The following BRPF3 variants were observed in gnomAD, a reference collection of about 807,000 sequenced individuals.
BRPF3 encodes the protein bromodomain and PHD finger containing 3, also known as bromodomain and PHD finger-containing protein 3.
In BRPF3, 18 loss-of-function variants were observed where a neutral mutation model predicts 102.0. That is an observed-to-expected ratio of 0.18 (90% CI 0.12 to 0.26). The LOEUF (loss-of-function observed/expected upper bound fraction) is 0.26. BRPF3 is among the 10% of genes least tolerant of loss of function. The pLI, the probability that BRPF3 is intolerant of heterozygous loss-of-function variation, is 1.00. For missense variants in BRPF3, 1,147 were observed against 1,567.8 expected (o/e 0.73, Z 4.53); for synonymous variants, 570 against 614.2 (o/e 0.93, Z 1.06).
intron 9 of BRPF3, among the ~76,000 whole-genome samples, chr6:36,220,897 G>C (rs1256488053): frequency 6.6e-6 from 1 of 152,120 alleles, no homozygotes; most frequent in Non-Finnish European, 1.5e-5. Context: ...CAGTAAAACG[G>C]GAGTACCCTA....
chr6:36,218,261 T>C (rs1002930889), intron 9 of BRPF3, among the ~76,000 whole-genome samples: 19 of 152,082 alleles, frequency 1.2e-4, no homozygotes, highest in South Asian at 4.2e-4. Context: ...ATTTGGACTC[T>C]AGAGGATAAG....
At position 36,207,436 on chromosome 6, in the gene BRPF3, C is replaced by T. The variant is rs776518642; in HGVS notation, c.1729C>T (p.Arg577Ter). 1.2e-6 allele frequency: 2 copies of T among 1,613,942 alleles called. No individual in the cohort carries two copies. The highest frequency in any genetic ancestry group is 1.7e-6 in the Non-Finnish European group (2 of 1,179,904). ...GATTCGGAAGAGAGAGAAGCTCAAA[C>T]GAGAGCAGGTAAGGAGGAGCCCCCA... ...ELIRKREKLK[R>*]EQVKVQQAAM... Residue 577 changes from arginine (R) to a stop codon, truncating the protein, a stop_gained, in exon 4 of 13, where the codon CGA becomes TGA. Transcript: ENST00000357641. LOFTEE classifies it high-confidence loss of function.
intron 8 of BRPF3, among the ~76,000 whole-genome samples, chr6:36,217,659 A>C (rs1768376774): frequency 1.3e-5 from 2 of 152,218 alleles, no homozygotes; most frequent in African/African-American, 4.8e-5. Context: ...GCTGTGTGCT[A>C]TGGTTTCCTT....
In BRPF3 at chr6:36,212,384, G is replaced by A. The variant is rs149880350; in HGVS notation, c.2482+824G>A. Among the ~76,000 whole-genome samples the A allele has an allele frequency of 7.2e-5, 11 of 152,126 alleles. No homozygotes were observed. In the East Asian group the frequency reaches 2.1e-3, roughly 29 times the overall value. On this transcript the variant is annotated intron_variant, in intron 7 of 12. Transcript: ENST00000357641. Reference sequence around the variant, plus strand: ...ATAGGGGCCCAAATTGTAGGTAACAGCCCATTTTATTTTAGGTTGGCAGAG... The same window carrying A: ...ATAGGGGCCCAAATTGTAGGTAACAACCCATTTTATTTTAGGTTGGCAGAG...
At chr6:36,226,986 C>G (rs1182089165) in intron 11 of BRPF3, among the ~76,000 whole-genome samples, 1 of 152,172 alleles carries the variant, frequency 6.6e-6, no homozygotes, top group Non-Finnish European at 1.5e-5. Flanking sequence ...AGACAGAATA[C>G]CTCACAATGC....
rs538064790 is a variant in BRPF3 at position 36,201,764 on chromosome 6, C to G, written c.1442C>G (p.Ser481Cys). 1.3e-6 allele frequency: 2 copies of G among 1,599,756 alleles called. No individual in the cohort carries two copies. The highest frequency in any genetic ancestry group is 1.3e-5 in the African/African-American group (1 of 74,638). Reference sequence around the variant, plus strand: ...ATGCTTGCTGTCCCACAGATACCCTCTTACAGGTAAGCATGCCCAGAAGGG... The same window carrying G: ...ATGCTTGCTGTCCCACAGATACCCTGTTACAGGTAAGCATGCCCAGAAGGG... ...LPMLAVPQIP[S>C]YRLNKICSGL... is the part of the protein sequence containing the mutation. The change falls in exon 2 of 13, where the codon TCT becomes TGT. Residue 481 changes from serine (S) to cysteine (C), a missense_variant. Transcript: ENST00000357641. This position sits in a 1 kb window ranked among gnomAD's most constrained non-coding sequence, Gnocchi z 5.1.
Position 36,230,879 on chromosome 6 carries a change from G to T in BRPF3, c.*270G>T, listed in dbSNP as rs1336948079. 2 of 457,774 alleles carry T rather than the reference G, an allele frequency of 4.4e-6. No individual in the cohort carries two copies. Among genetic ancestry groups the T allele is most frequent in the East Asian group, 4.0e-5 (1 of 25,250 alleles). 28.4% of individuals were successfully genotyped at this position (457,774 alleles called of 1,614,324 possible). On this transcript the variant is annotated 3_prime_UTR_variant, in exon 13 of 13. Coordinates refer to ENST00000357641, the MANE Select transcript of BRPF3 (RefSeq NM_015695.3). The surrounding 1 kb of genome is among the most constrained non-coding windows in gnomAD (Gnocchi z 5.4). ...AGTTAGAAGTAGAAACAGCTGTGGG[G>T]CTTGGGCCCAGCTTAGGAGATTGCC...
Position 36,229,100 on chromosome 6 carries a change from G to T in BRPF3, c.3434+44G>T, listed in dbSNP as rs368581633. On this transcript the variant is annotated intron_variant, in intron 12 of 12. Transcript: ENST00000357641. ...GAGGGGGCTGAGGGGCACGCCAGGG[G>T]TCTGTGCCAGTGGTGCTGTGCTAGT... is the stretch of plus-strand genomic sequence containing the variant. 6.3e-6 allele frequency: 10 copies of T among 1,596,804 alleles called. No homozygotes were observed. The African/African-American group carries it at 1.2e-4, about 19-fold the overall frequency.
In BRPF3 at chr6:36,211,294, T is replaced by G. The variant is rs1768097465; in HGVS notation, c.2216T>G (p.Leu739Trp). Residue 739 changes from leucine (L) to tryptophan (W), a missense_variant, in exon 7 of 13, where the codon TTG becomes TGG. By Grantham distance (61) the Leu-to-Trp change is moderately conservative. Transcript: ENST00000357641. ...NILIPENRAHLSPEVQLKELL... is the reference protein window; with the variant it reads ...NILIPENRAHWSPEVQLKELL... ...CTCATCCCAGAGAACCGGGCCCATT[T>G]GTCCCCAGAGGTGCAGCTGAAGGAG... The G allele has an allele frequency of 3.1e-6, 5 of 1,614,162 alleles. No homozygotes were observed. Among genetic ancestry groups the G allele is most frequent in the Non-Finnish European group, 3.4e-6 (4 of 1,179,982 alleles).
In BRPF3 at chr6:36,210,314, G is replaced by A. The variant is rs1581961108; in HGVS notation, c.1965G>A (p.Glu655=). 6 of 1,614,238 alleles carry A rather than the reference G, an allele frequency of 3.7e-6. No homozygotes were observed. Among genetic ancestry groups the A allele is most frequent in the Non-Finnish European group, 5.1e-6 (6 of 1,180,048 alleles). Residue 655 remains glutamate (E), a synonymous_variant, in exon 6 of 13, where the codon GAG becomes GAA. Coordinates refer to ENST00000357641, the MANE Select transcript of BRPF3 (RefSeq NM_015695.3). This position sits in a 1 kb window ranked among gnomAD's most constrained non-coding sequence, Gnocchi z 4.7. ...SHLYRTLEEF[E]EDFNLIVTNC... ...TGTACCGCACCTTGGAGGAGTTTGA[G>A]GAGGACTTTAACCTTATAGTTACCA...
rs1561816922 is a variant in BRPF3, at chr6:36,200,713, C to T, written c.391C>T (p.Pro131Ser). The change falls in exon 2 of 13, where the codon CCC becomes TCC. Residue 131 changes from proline to serine, a missense_variant. By Grantham distance (74) the Pro-to-Ser change is moderately conservative. Around this residue, in one of 11 missense-constraint regions of BRPF3, gnomAD observed 221 missense variants for 337.1 expected, o/e 0.66. Transcript: ENST00000357641. The surrounding 1 kb of genome is among the most constrained non-coding windows in gnomAD (Gnocchi z 5.3). ...GGACTCAGGCATCCAGCCAGAAGCA[C>T]CCCCGCTGCCTGCTGCCTACTACCG... ...MVDSGIQPEA[P>S]PLPAAYYRYI... is the part of the protein sequence containing the mutation. The T allele has an allele frequency of 6.2e-7, 1 of 1,614,160 alleles. No individual in the cohort carries two copies. Among genetic ancestry groups the T allele is most frequent in the Non-Finnish European group, 8.5e-7 (1 of 1,180,006 alleles).
At chr6:36,204,956 C>G (rs1383482282) in intron 3 of BRPF3, 142 bp downstream of exon 3, 2 of 1,038,710 alleles carry the variant, frequency 1.9e-6, no homozygotes, top group Non-Finnish European at 2.8e-6. Flanking sequence ...ATCCCAGGAA[C>G]AACCCCCAGC....
chr6:36,211,997 T>A (rs151174883), intron 7 of BRPF3, among the ~76,000 whole-genome samples: 1 of 152,192 alleles, frequency 6.6e-6, no homozygotes, highest in Non-Finnish European at 1.5e-5. Flanking sequence ...TAGGTTGGGG[T>A]GTGAGGTGAT....
At chr6:36,202,313 G>C (rs1767735981) in intron 2 of BRPF3, among the ~76,000 whole-genome samples, 1 of 152,130 alleles carries the variant, frequency 6.6e-6, no homozygotes, top group Non-Finnish European at 1.5e-5. Context: ...TATGAGGGGG[G>C]TGGTGGTGTG....
chr6:36,214,553 C>T (rs1768259992), intron 8 of BRPF3, among the ~76,000 whole-genome samples, 167 bp downstream of exon 8: 1 of 152,182 alleles, frequency 6.6e-6, no homozygotes, highest in Non-Finnish European at 1.5e-5. Flanking sequence ...TTAGTAGCAG[C>T]CAGGGGAAAT....
At chr6:36,219,288 C>G (rs1245407015) in intron 9 of BRPF3, among the ~76,000 whole-genome samples, 1 of 152,090 alleles carries the variant, frequency 6.6e-6, no homozygotes, top group Non-Finnish European at 1.5e-5. Context: ...CCCTAGCTTC[C>G]TATTGCAGCC....
In BRPF3 at chr6:36,210,206, A is replaced by G. The variant is rs2086306829; in HGVS notation, c.1867-10A>G. ...TGGTTGTTGTAATTGTACAGGTTTT[A>G]TATGTTTAGGTTCCAGATTACCTGG... On this transcript the variant is annotated splice_polypyrimidine_tract_variant and intron_variant, in intron 5 of 12. Transcript: ENST00000357641. The surrounding 1 kb of genome is among the most constrained non-coding windows in gnomAD (Gnocchi z 4.7). 1 of 1,613,824 alleles carries G rather than the reference A, an allele frequency of 6.2e-7. No individual in the cohort carries two copies. Among genetic ancestry groups the G allele is most frequent in the Non-Finnish European group, 8.5e-7 (1 of 1,179,854 alleles).
chr6:36,213,884 C>A lies in BRPF3; in HGVS notation c.2487C>A (p.Asp829Glu). 6.3e-7 allele frequency: 1 copy of A among 1,597,206 alleles called. No individual in the cohort carries two copies. The highest frequency in any genetic ancestry group is 8.5e-7 in the Non-Finnish European group (1 of 1,171,466). The change falls in exon 8 of 13, where the codon GAC (aspartate) becomes GAA (glutamate). Residue 829 changes from aspartate (D) to glutamate (E), a missense_variant. By Grantham distance (45) the Asp-to-Glu change is conservative. Coordinates refer to ENST00000357641, the MANE Select transcript of BRPF3 (RefSeq NM_015695.3). ...GATTCTCTTTTTTTCTAATAGATGACTCCAAACTGCCTCCTCCGCCAACCC... is the reference window on the plus strand; with the variant it reads ...GATTCTCTTTTTTTCTAATAGATGAATCCAAACTGCCTCCTCCGCCAACCC... ...EEPEDDGDRD[D>E]SKLPPPPTLE...
intron 7 of BRPF3, among the ~76,000 whole-genome samples, chr6:36,212,572 GAAAAAAAAAAAA>G (rs1013260246): frequency 2.2e-5 from 1 of 44,980 alleles, no homozygotes; most frequent in East Asian, 6.8e-4. Flanking sequence ...GCATCACCTA[GAAAAAAAAAAAA>G]AAAAAAAAAA....
Sources: gnomAD v4.1 joint callset for allele counts (sites outside exome capture counted in the v4.1 genomes callset) on GRCh38, gnomAD v4.1.1 for gene constraint, gnomAD v4.1.1 regional missense constraint, Gnocchi (gnomAD v3.1) non-coding constraint, MANE v1.5 for transcripts, NCBI Gene and HGNC (gene_info 2026-07-23, HGNC 2026-07-21) for gene names.